FAHD1: variants seen among roughly 807,000 people sequenced by gnomAD.
FAHD1 encodes oxaloacetate tautomerase FAHD1, mitochondrial.
In FAHD1, 14 loss-of-function variants were observed where a neutral mutation model predicts 12.7. The observed-to-expected ratio is 1.10, with a 90% CI of 0.73 to 1.72. FAHD1 has a LOEUF of 1.72. Among genes scored for constraint, FAHD1 ranks in the 40% most tolerant of loss-of-function variants. The probability of loss-of-function intolerance (pLI) is 0.00; values close to 1 mark genes in which losing one functional copy is unlikely to be tolerated. For synonymous variants in FAHD1, 153 were observed against 124.9 expected (o/e 1.22, Z -1.50); for missense variants, 351 against 298.9 (o/e 1.17, Z -1.29).
chr16:1,827,407 C>A lies in FAHD1; in HGVS notation c.169C>A (p.Leu57Ile), dbSNP rs780514775. 3.1e-6 allele frequency: 5 copies of A among 1,611,110 alleles called. No individual in the cohort carries two copies. In the Admixed American group the frequency reaches 8.3e-5, roughly 27 times the overall value. Residue 57 changes from leucine to isoleucine, a missense_variant, in exon 1 of 1, where the codon CTC (leucine) becomes ATC (isoleucine). Physicochemically the swap from Leu to Ile is conservative, Grantham distance 5. Coordinates refer to ENST00000427358, the Ensembl canonical transcript of FAHD1. ...CTACGCGCCCGAGGGCTCGCCCATC[C>A]TCATGCCCGCGTACACTCGCAACCT...
At chr16:1,827,287 A>T (rs1192505599) in exon 1 of FAHD1, 1 of 1,612,998 alleles carries the variant, frequency 6.2e-7, no homozygotes, top group Non-Finnish European at 8.5e-7. Flanking sequence ...GGGAAAGAAC[A>T]TCGTCTGCGT....
chr16:1,830,917 T>TATACACAC (rs1555470127), downstream of FAHD1, among the ~76,000 whole-genome samples: 3 of 114,776 alleles, frequency 2.6e-5, no homozygotes, highest in Non-Finnish European at 6.2e-5. Context: ...TCTCTCTCTA[T>TATACACAC]ACACACACAC....
At chr16:1,828,471 G>A (rs2142063140) in exon 1 of FAHD1, 2 of 1,000,746 alleles carry the variant, frequency 2.0e-6, no homozygotes, top group East Asian at 1.1e-4. Context: ...TTGTAAAACT[G>A]GATTAGAGAA....
At chr16:1,835,631 T>C (rs13332303) in intron 1 of FAHD1, among the ~76,000 whole-genome samples, 18,973 of 152,160 alleles carry the variant, frequency 0.12, 1,205 homozygotes, top group South Asian at 0.15. Context: ...CAGAGCTGTC[T>C]GATTCTACAG....
chr16:1,827,591 T>G (rs760382793), exon 1 of FAHD1: 2 of 1,613,532 alleles, frequency 1.2e-6, no homozygotes, highest in African/African-American at 2.7e-5. Context: ...CCCTGGACTC[T>G]GGCGAAGAGC....
At chr16:1,833,336 G>A (rs1280739435), downstream of FAHD1, among the ~76,000 whole-genome samples, 1 of 151,994 alleles carries the variant, frequency 6.6e-6, no homozygotes, top group East Asian at 1.9e-4. Context: ...AGTCATGTCA[G>A]CCCTGAGCCA....
chr16:1,829,873 T>G (rs1898590912), downstream of FAHD1, among the ~76,000 whole-genome samples: 1 of 152,096 alleles, frequency 6.6e-6, no homozygotes, highest in African/African-American at 2.4e-5. Flanking sequence ...TCTTTCTTTT[T>G]TCTTTTTGAG....
At chr16:1,830,917 TACACAC>T (rs1555470124), downstream of FAHD1, among the ~76,000 whole-genome samples, 2 of 114,776 alleles carry the variant, frequency 1.7e-5, no homozygotes, top group South Asian at 2.5e-4. Flanking sequence ...TCTCTCTCTA[TACACAC>T]ACACACACAC....
chr16:1,836,672 G>C (rs9652778), intron 1 of FAHD1, among the ~76,000 whole-genome samples: 27,369 of 151,638 alleles, frequency 0.18, 2,934 homozygotes, highest in South Asian at 0.27. Flanking sequence ...TGGAAAATGG[G>C]AAAACCTGCT....
At position 1,833,974 on chromosome 16, in the gene FAHD1, C is replaced by A. The variant is rs1898672330; in HGVS notation, c.628-4042C>A. 1.9e-5 allele frequency: 5 copies of A among 258,368 alleles called. No individual in the cohort carries two copies. The South Asian group carries it at 4.1e-4, about 21-fold the overall frequency. 16.0% of individuals were successfully genotyped at this position (258,368 alleles called of 1,614,324 possible). On this transcript the variant is annotated intron_variant, in intron 1 of 2. Transcript: ENST00000382666. ...CAACTACATGGAAAAGAAAATAAATCATTCAAATCTGTAGAAGATTAAATC... is the reference window on the plus strand; with the variant it reads ...CAACTACATGGAAAAGAAAATAAATAATTCAAATCTGTAGAAGATTAAATC...
downstream of FAHD1, among the ~76,000 whole-genome samples, chr16:1,829,344 G>A (rs1898582192): frequency 6.6e-6 from 1 of 152,146 alleles, no homozygotes; most frequent in South Asian, 2.1e-4. Context: ...CACGTGTTAT[G>A]TAACCAGCAA....
At chr16:1,829,112 T>C (rs972904206), downstream of FAHD1, among the ~76,000 whole-genome samples, 1 of 152,166 alleles carries the variant, frequency 6.6e-6, no homozygotes, top group South Asian at 2.1e-4. Context: ...CTGCTTTTGC[T>C]CTTGCCTGCA....
downstream of FAHD1, among the ~76,000 whole-genome samples, chr16:1,831,570 C>T (rs927861089): frequency 4.6e-5 from 7 of 152,106 alleles, no homozygotes; most frequent in Admixed American, 1.3e-4. Flanking sequence ...GGAGCATCCC[C>T]GACAGATTGC....
At chr16:1,837,925 AT>A in intron 1 of FAHD1, 1 of 1,458,200 alleles carries the variant, frequency 6.9e-7, no homozygotes, top group Admixed American at 2.7e-5. Context: ...AAGAAAATTC[AT>A]TTTTGACAAC....
At chr16:1,827,816 T>C in exon 1 of FAHD1, 1 of 1,613,922 alleles carries the variant, frequency 6.2e-7, no homozygotes, top group African/African-American at 1.3e-5. Flanking sequence ...CCAAAGGGAG[T>C]TGGACCGGTT....
chr16:1,829,964 A>G (rs1229941210), downstream of FAHD1, among the ~76,000 whole-genome samples: 1 of 151,880 alleles, frequency 6.6e-6, no homozygotes, highest in African/African-American at 2.4e-5. Flanking sequence ...CCCAGGTTCA[A>G]GTGATTCTCC....
At chr16:1,838,650 G>A (rs191481879) in intron 2 of FAHD1, among the ~76,000 whole-genome samples, 219 of 151,934 alleles carry the variant, frequency 1.4e-3, no homozygotes, top group Non-Finnish European at 2.4e-3. Flanking sequence ...TTTACCCATC[G>A]TTACTTGACT....
At chr16:1,838,222 A>G (rs2142075220) in intron 2 of FAHD1, 1 of 422,170 alleles carries the variant, frequency 2.4e-6, no homozygotes, top group East Asian at 3.4e-5. Context: ...GTGATCTTGA[A>G]CTCCTGGCCT....
At position 1,835,254 on chromosome 16, in the gene FAHD1, C is replaced by T. The variant is rs975816561; in HGVS notation, c.628-2762C>T. ...GTGTGACAGAGCGAGCAGAGTGAGA[C>T]TGTGTCTCAAAAAAAAAAAAAAGTA... On this transcript the variant is annotated intron_variant, in intron 1 of 2. Coordinates refer to the FAHD1 transcript ENST00000382666. Among the ~76,000 whole-genome samples the T allele has an allele frequency of 2.7e-5, 4 of 149,264 alleles. No individual in the cohort carries two copies. The Admixed American group carries it at 2.7e-4, about 10-fold the overall frequency.
Sources: gnomAD v4.1 joint callset for allele counts (sites outside exome capture counted in the v4.1 genomes callset) on GRCh38, gnomAD v4.1.1 for gene constraint, MANE v1.5 for transcripts, NCBI Gene and HGNC (gene_info 2026-07-23, HGNC 2026-07-21) for gene names.